Variants in PIWIL2 observed in about 807,000 individuals in gnomAD.
The protein encoded by PIWIL2 is piwi like RNA-mediated gene silencing 2, also known as piwi-like protein 2.
In PIWIL2, 81 loss-of-function variants were observed where a neutral mutation model predicts 116.5. That is an observed-to-expected ratio of 0.70 (90% CI 0.58 to 0.84). PIWIL2 has a LOEUF of 0.84. PIWIL2 is among the 40% of genes least tolerant of loss of function. PIWIL2 has a pLI of 0.00. For missense variants in PIWIL2, 1,272 were observed against 1,212.3 expected (o/e 1.05, Z -0.73); for synonymous variants, 489 against 429.5 (o/e 1.14, Z -1.71).
In PIWIL2 at chr8:22,307,914, T is replaced by G. The variant is rs1488054939; in HGVS notation, c.1546-19T>G. 2 of 1,570,404 alleles carry G rather than the reference T, an allele frequency of 1.3e-6. No homozygotes were observed. The highest frequency in any genetic ancestry group is 2.3e-5 in the East Asian group (1 of 43,912). On this transcript the variant is annotated intron_variant, in intron 13 of 22. Coordinates refer to ENST00000356766, the MANE Select transcript of PIWIL2 (RefSeq NM_018068.5). Reference sequence around the variant, plus strand: ...GTGAAGTTATCTTTATAAGTTATCTTTATTTTAATTCTGTTTAGGATTTGG... The same window carrying G: ...GTGAAGTTATCTTTATAAGTTATCTGTATTTTAATTCTGTTTAGGATTTGG...
At chr8:22,285,644 CTTTTTTTTTTCTT>C (rs2131989677) in intron 6 of PIWIL2, among the ~76,000 whole-genome samples, 2 of 149,002 alleles carry the variant, frequency 1.3e-5, no homozygotes, top group South Asian at 4.3e-4. Context: ...CATACTATTT[CTTTTTTTTTTCTT>C]TTGAGACAGG....
intron 20 of PIWIL2, chr8:22,322,005 T>G (rs538697524): frequency 1.0e-6 from 1 of 983,768 alleles, no homozygotes; most frequent in African/African-American, 1.7e-5. Context: ...ATAAAATGCT[T>G]CCAAATACTG....
chr8:22,308,774 G>T (rs1007942097), intron 14 of PIWIL2, among the ~76,000 whole-genome samples: 5 of 151,920 alleles, frequency 3.3e-5, no homozygotes, highest in Non-Finnish European at 7.4e-5. Context: ...TCAGCCTCCC[G>T]AATAGTTGGA....
chr8:22,296,020 CTTTTTTTTTTTTTTTTTTTTTT>C (rs67357452), intron 10 of PIWIL2, among the ~76,000 whole-genome samples: 59,469 of 103,978 alleles, frequency 0.57, 14,597 homozygotes, highest in East Asian at 0.79. Flanking sequence ...CTCTTCCCTT[CTTTTTTTTTTTTTTTTTTTTTT>C]TTTTTTTTTT....
intron 20 of PIWIL2, among the ~76,000 whole-genome samples, chr8:22,325,922 C>T (rs1441552529): frequency 2.0e-5 from 3 of 152,136 alleles, no homozygotes; most frequent in Non-Finnish European, 4.4e-5. Flanking sequence ...GTCCAACTTG[C>T]CAGCCAAGTG....
intron 20 of PIWIL2, among the ~76,000 whole-genome samples, chr8:22,325,926 C>T (rs546555717): frequency 2.6e-5 from 4 of 152,302 alleles, no homozygotes; most frequent in Admixed American, 2.0e-4. Flanking sequence ...AACTTGCCAG[C>T]CAAGTGCAGA....
At chr8:22,337,849 C>G (rs567969122) in intron 20 of PIWIL2, among the ~76,000 whole-genome samples, 1 of 152,264 alleles carries the variant, frequency 6.6e-6, no homozygotes, top group East Asian at 1.9e-4. Context: ...AATCCTAGCA[C>G]TTTGGGAGGC....
chr8:22,322,416 A>C (rs151274593), intron 20 of PIWIL2, among the ~76,000 whole-genome samples: 4,514 of 147,570 alleles, frequency 0.031, 100 homozygotes, highest in Non-Finnish European at 0.05. Context: ...ACACCCAGCT[A>C]ATTTTTGTAT....
intron 6 of PIWIL2, among the ~76,000 whole-genome samples, chr8:22,286,681 G>A (rs575174143): frequency 1.3e-5 from 2 of 152,058 alleles, no homozygotes; most frequent in South Asian, 4.2e-4. Context: ...GAGTGCAGTG[G>A]CACAGTCTTG....
intron 9 of PIWIL2, 79 bp downstream of exon 9, chr8:22,290,006 A>G (rs746333324): frequency 1.6e-5 from 15 of 935,952 alleles, no homozygotes; most frequent in Non-Finnish European, 2.1e-5. Flanking sequence ...ATTTAGTACT[A>G]TAATGTCAGC....
intron 20 of PIWIL2, among the ~76,000 whole-genome samples, chr8:22,342,954 A>G (rs1001195017): frequency 6.6e-6 from 1 of 152,228 alleles, no homozygotes; most frequent in African/African-American, 2.4e-5. Context: ...AAATACCTCA[A>G]CAGACATCTC....
At chr8:22,352,841 A>G in intron 20 of PIWIL2, 118 bp from the exon 21 acceptor site, 1 of 1,017,692 alleles carries the variant, frequency 9.8e-7, no homozygotes. Flanking sequence ...TAGCTTTGGC[A>G]CTAACTGCAA....
At chr8:22,331,796 C>A (rs1200028320) in intron 20 of PIWIL2, among the ~76,000 whole-genome samples, 2 of 152,062 alleles carry the variant, frequency 1.3e-5, no homozygotes, top group African/African-American at 4.8e-5. Flanking sequence ...CTCATCTCCT[C>A]TTCTTATGAG....
intron 20 of PIWIL2, among the ~76,000 whole-genome samples, chr8:22,342,508 CA>C (rs1377578194): frequency 6.6e-6 from 1 of 152,066 alleles, no homozygotes; most frequent in Non-Finnish European, 1.5e-5. Context: ...GATAAAGGAA[CA>C]AAGGCAAGTC....
chr8:22,339,468 A>G (rs1408934232), intron 20 of PIWIL2, among the ~76,000 whole-genome samples: 1 of 151,990 alleles, frequency 6.6e-6, no homozygotes, highest in Non-Finnish European at 1.5e-5. Context: ...AGATCACACC[A>G]CTGCACTCCA....
chr8:22,297,056 A>G (rs1388182951), intron 10 of PIWIL2, among the ~76,000 whole-genome samples: 1 of 151,856 alleles, frequency 6.6e-6, no homozygotes, highest in African/African-American at 2.4e-5. Flanking sequence ...TGGCACGATC[A>G]CAACTCACTG....
At chr8:22,331,947 G>A (rs1831872587) in intron 20 of PIWIL2, among the ~76,000 whole-genome samples, 1 of 152,078 alleles carries the variant, frequency 6.6e-6, no homozygotes, top group South Asian at 2.1e-4. Flanking sequence ...GTTGCGGAGG[G>A]CATAATTCAT....
At chr8:22,295,576 C>A (rs1830878188) in intron 10 of PIWIL2, among the ~76,000 whole-genome samples, 1 of 151,160 alleles carries the variant, frequency 6.6e-6, no homozygotes, top group Non-Finnish European at 1.5e-5. Flanking sequence ...CACACATGGA[C>A]CCTCTCAGTG....
intron 20 of PIWIL2, among the ~76,000 whole-genome samples, chr8:22,338,266 A>G (rs1192383989): frequency 6.6e-6 from 1 of 152,234 alleles, no homozygotes; most frequent in Non-Finnish European, 1.5e-5. Flanking sequence ...AACAACGACA[A>G]CACAAACCTG....
Sources: allele counts gnomAD v4.1 joint callset (sites outside exome capture counted in the v4.1 genomes callset), GRCh38; gene constraint gnomAD v4.1.1; transcripts MANE v1.5; gene names NCBI Gene and HGNC (gene_info 2026-07-23, HGNC 2026-07-21).